The following SEMA3C variants were observed in gnomAD, a reference collection of about 807,000 sequenced individuals.
The protein encoded by SEMA3C is semaphorin 3C.
A neutral mutation model predicts 89.4 loss-of-function variants in SEMA3C; 47 were observed. That is an observed-to-expected ratio of 0.53 (90% CI 0.42 to 0.67). The LOEUF (loss-of-function observed/expected upper bound fraction) is 0.67. SEMA3C is among the 30% of genes least tolerant of loss of function. The probability of loss-of-function intolerance (pLI) is 0.00; values close to 1 mark genes in which losing one functional copy is unlikely to be tolerated. For missense variants in SEMA3C, 839 were observed against 929.1 expected, an observed-to-expected ratio of 0.90 and a Z score of 1.26; for synonymous variants, 310 against 320.2, an observed-to-expected ratio of 0.97 and a Z score of 0.34.
At chr7:80,810,946 C>T (rs902018497) in intron 5 of SEMA3C, among the ~76,000 whole-genome samples, 4 of 152,116 alleles carry the variant, frequency 2.6e-5, no homozygotes, top group African/African-American at 9.7e-5. Context: ...TCCAAGAAGT[C>T]GTTCTCCTCA....
At chr7:80,872,195 G>C (rs1791074818) in intron 2 of SEMA3C, among the ~76,000 whole-genome samples, 1 of 152,086 alleles carries the variant, frequency 6.6e-6, no homozygotes, top group Admixed American at 6.5e-5. Flanking sequence ...CTGTCACCCA[G>C]GCTGGAGTGC....
At chr7:80,864,125 A>C (rs183370211) in intron 2 of SEMA3C, among the ~76,000 whole-genome samples, 1 of 152,206 alleles carries the variant, frequency 6.6e-6, no homozygotes, top group East Asian at 1.9e-4. Flanking sequence ...TACTATTCTA[A>C]GTGAAGTAAC....
intron 4 of SEMA3C, among the ~76,000 whole-genome samples, chr7:80,823,435 T>C (rs1291469036): frequency 6.6e-6 from 1 of 152,144 alleles, no homozygotes; most frequent in African/African-American, 2.4e-5. Flanking sequence ...TGAAAATATA[T>C]TACTTTTATA....
At chr7:80,903,507 C>T (rs925864995) in intron 2 of SEMA3C, among the ~76,000 whole-genome samples, 33 of 152,210 alleles carry the variant, frequency 2.2e-4, no homozygotes, top group African/African-American at 7.5e-4. Flanking sequence ...ACTAAAAATA[C>T]AAGCACTAGC....
At chr7:80,902,335 C>G (rs1459076833) in intron 2 of SEMA3C, among the ~76,000 whole-genome samples, 3 of 152,168 alleles carry the variant, frequency 2.0e-5, no homozygotes, top group Admixed American at 1.3e-4. Flanking sequence ...CCTAAGTACT[C>G]AATTTGTGTT....
At chr7:80,863,832 G>GTATATATGTAT (rs1562911925) in intron 2 of SEMA3C, among the ~76,000 whole-genome samples, 1 of 100,776 alleles carries the variant, frequency 9.9e-6, no homozygotes, top group African/African-American at 5.3e-5. Context: ...TGTGATATGT[G>GTATATATGTAT]ATATATATAT....
chr7:80,745,542 T>C (rs1372623169), intron 17 of SEMA3C, among the ~76,000 whole-genome samples: 1 of 151,802 alleles, frequency 6.6e-6, no homozygotes, highest in African/African-American at 2.4e-5. Context: ...AGGGTGAAGA[T>C]ATTATCCATA....
intron 2 of SEMA3C, among the ~76,000 whole-genome samples, chr7:80,914,081 T>C (rs977602018): frequency 6.6e-6 from 1 of 152,152 alleles, no homozygotes; most frequent in African/African-American, 2.4e-5. Flanking sequence ...CTTAGAGATA[T>C]AAAACAAGTA....
chr7:80,866,707 T>C (rs1215738160), intron 2 of SEMA3C, among the ~76,000 whole-genome samples: 1 of 152,174 alleles, frequency 6.6e-6, no homozygotes, highest in Non-Finnish European at 1.5e-5. Flanking sequence ...CCAGAGCTTC[T>C]TACAACTTAA....
intron 12 of SEMA3C, among the ~76,000 whole-genome samples, chr7:80,779,747 T>C (rs546886444): frequency 6.6e-6 from 1 of 152,304 alleles, no homozygotes; most frequent in African/African-American, 2.4e-5. Flanking sequence ...TGTGGCTTGC[T>C]TTTAAGCAAC....
intron 2 of SEMA3C, among the ~76,000 whole-genome samples, chr7:80,871,435 T>C (rs909269625): frequency 3.3e-5 from 5 of 152,212 alleles, no homozygotes; most frequent in Admixed American, 6.5e-5. Flanking sequence ...CTTCTAAATA[T>C]AACTCCCATT....
rs1218885274 is a variant in SEMA3C at position 80,872,797 on chromosome 7, C to CAAA, written c.103+43879_103+43881dup. ...GCCTGGCAACAGAGCGAGACTCTGT[C>CAAA]AAAAAAAAAAAAAAAAAAAAAAAAG... On this transcript the variant is annotated intron_variant, in intron 2 of 17. Coordinates refer to ENST00000265361, the MANE Select transcript of SEMA3C (RefSeq NM_006379.5). 4.2e-4 allele frequency among the ~76,000 whole-genome samples: 17 copies of CAAA among 40,072 alleles called. 1 individual carries two copies. The highest frequency in any genetic ancestry group is 6.6e-4 in the Non-Finnish European group (12 of 18,180). The allele number at this position is 40,072 out of a possible 152,430, so 26.3% of individuals were successfully genotyped here. A position where few individuals can be genotyped will look rare whatever the true frequency, so the allele number is the denominator to read the frequency against.
intron 2 of SEMA3C, among the ~76,000 whole-genome samples, chr7:80,891,022 C>T (rs571277313): frequency 6.6e-6 from 1 of 152,122 alleles, no homozygotes; most frequent in African/African-American, 2.4e-5. Context: ...CCAGGAATTC[C>T]ATGTCTAATT....
At chr7:80,879,167 G>T (rs1791274914) in intron 2 of SEMA3C, among the ~76,000 whole-genome samples, 1 of 151,420 alleles carries the variant, frequency 6.6e-6, no homozygotes, top group African/African-American at 2.4e-5. Flanking sequence ...AACAAGAGAA[G>T]GCAGCAACTG....
rs780576746 is a variant in SEMA3C at position 80,789,500 on chromosome 7, A to G, written c.1160T>C (p.Met387Thr). The change falls in exon 12 of 18, where the codon ATG (methionine) becomes ACG (threonine). Residue 387 changes from methionine to threonine, a missense_variant. Met to Thr is a moderately conservative substitution (Grantham distance 81). Coordinates refer to ENST00000265361, the MANE Select transcript of SEMA3C (RefSeq NM_006379.5). ...TCPGGAFTPN[M>T]RTTKEFPDDV... is the part of the protein sequence containing the mutation. ...ATCTGGGAACTCCTTGGTGGTTCGCATATTGGGTGTAAATGCTCCTCCTGG... is the reference window on the plus strand; with the variant it reads ...ATCTGGGAACTCCTTGGTGGTTCGCGTATTGGGTGTAAATGCTCCTCCTGG... 3.7e-6 allele frequency: 6 copies of G among 1,613,286 alleles called. No homozygotes were observed. The Admixed American group carries it at 5.0e-5, about 13-fold the overall frequency.
chr7:80,868,215 T>C (rs922534710), intron 2 of SEMA3C, among the ~76,000 whole-genome samples: 4 of 152,272 alleles, frequency 2.6e-5, no homozygotes, highest in African/African-American at 9.6e-5. Context: ...GCATGAAGAA[T>C]ATATTCCTTT....
intron 2 of SEMA3C, among the ~76,000 whole-genome samples, chr7:80,881,164 AACACAC>A (rs71802410): frequency 0.06 from 8,095 of 135,470 alleles, 543 homozygotes; most frequent in African/African-American, 0.17. Context: ...TGGAGAAAGA[AACACAC>A]ACACACACAC....
At chr7:80,823,283 T>C (rs1276760281) in intron 4 of SEMA3C, among the ~76,000 whole-genome samples, 2 of 152,184 alleles carry the variant, frequency 1.3e-5, no homozygotes, top group Non-Finnish European at 2.9e-5. Flanking sequence ...TAAGGTTAAG[T>C]GCTACGGATT....
chr7:80,843,799 T>C (rs1371189311), intron 2 of SEMA3C, among the ~76,000 whole-genome samples: 1 of 152,158 alleles, frequency 6.6e-6, no homozygotes, highest in Non-Finnish European at 1.5e-5. Context: ...CATTATGATA[T>C]CTCAAGATTC....
Sources: gnomAD v4.1 joint callset for allele counts (sites outside exome capture counted in the v4.1 genomes callset) on GRCh38, gnomAD v4.1.1 for gene constraint, MANE v1.5 for transcripts, NCBI Gene and HGNC (gene_info 2026-07-23, HGNC 2026-07-21) for gene names.